AFAP1: variants seen among roughly 807,000 people sequenced by gnomAD.
AFAP1 encodes the protein actin filament associated protein 1.
AFAP1 carries 75 observed loss-of-function variants against 93.9 expected under a neutral mutation model. The observed-to-expected ratio is 0.80, with a 90% CI of 0.66 to 0.97. AFAP1 has a LOEUF of 0.97. AFAP1 is among the 50% of genes least tolerant of loss of function. The pLI is 0.00. For synonymous variants in AFAP1, 517 were observed against 430.7 expected (o/e 1.20, Z -2.48); for missense variants, 1,201 against 1,050.8 (o/e 1.14, Z -1.98).
At position 7,880,201 on chromosome 4, in the gene AFAP1, T is replaced by TA. The variant is rs151055223; in HGVS notation, c.-2-8122dup. Among the ~76,000 whole-genome samples, 896 of 152,056 alleles carry TA rather than the reference T, an allele frequency of 5.9e-3. 7 individuals carry two copies. Among genetic ancestry groups the TA allele is most frequent in the African/African-American group, 0.019 (785 of 41,466 alleles). On this transcript the variant is annotated intron_variant, in intron 1 of 17. Transcript: ENST00000420658. ...TGGTTTGTGGGAACCAAAACTACTT[T>TA]AAAGGCATTTTCTTTATTTACCTTC... is the stretch of plus-strand genomic sequence containing the variant.
At chr4:7,919,117 T>C (rs560990668) in intron 1 of AFAP1, among the ~76,000 whole-genome samples, 180 of 139,150 alleles carry the variant, frequency 1.3e-3, no homozygotes, top group Non-Finnish European at 1.2e-3. Flanking sequence ...CCCAGATCAC[T>C]AGAAAAACAG....
intron 4 of AFAP1, among the ~76,000 whole-genome samples, chr4:7,844,833 C>A (rs1577284816): frequency 6.6e-6 from 1 of 152,254 alleles, no homozygotes; most frequent in East Asian, 1.9e-4. Context: ...TCTCCAAATT[C>A]CCCTCAGCCC....
chr4:7,913,004 T>C (rs1421693179), intron 1 of AFAP1, among the ~76,000 whole-genome samples: 2 of 151,916 alleles, frequency 1.3e-5, no homozygotes, highest in Non-Finnish European at 2.9e-5. Flanking sequence ...GGTGGCACCA[T>C]GCCCAGTTAA....
chr4:7,822,149 A>G (rs1421250082), intron 6 of AFAP1, among the ~76,000 whole-genome samples: 6 of 152,092 alleles, frequency 3.9e-5, no homozygotes, highest in Non-Finnish European at 7.4e-5. Context: ...CTTTCTTTTC[A>G]CTAGGGAAGG....
intron 1 of AFAP1, among the ~76,000 whole-genome samples, chr4:7,918,967 G>A (rs1468871664): frequency 0.094 from 4,615 of 49,200 alleles, 63 homozygotes; most frequent in East Asian, 0.28. Context: ...CAGGGCTGTT[G>A]GAAGAGACAC....
rs11724590 is a variant in AFAP1 at position 7,812,295 on chromosome 4, G to C, written c.905-2532C>G. 6.6e-5 allele frequency among the ~76,000 whole-genome samples: 10 copies of C among 151,558 alleles called. No individual in the cohort carries two copies. In the South Asian group the frequency reaches 1.0e-3, roughly 16 times the overall value. On this transcript the variant is annotated intron_variant, in intron 8 of 17. Transcript: ENST00000420658. ...AGAGGTATCCCCCACAGATAATGTG[G>C]CCCCCCCCAGAAAATGCAGCTCATC...
intron 1 of AFAP1, among the ~76,000 whole-genome samples, chr4:7,905,109 C>T (rs1719327656): frequency 6.6e-6 from 1 of 152,168 alleles, no homozygotes; most frequent in Admixed American, 6.5e-5. Flanking sequence ...TCCTCCATAC[C>T]GTAATGTGTC....
chr4:7,905,449 C>A (rs911759026), intron 1 of AFAP1, among the ~76,000 whole-genome samples: 2 of 152,232 alleles, frequency 1.3e-5, no homozygotes, highest in Non-Finnish European at 2.9e-5. Flanking sequence ...CATACAACAA[C>A]AAATTAAATT....
chr4:7,780,646 T>C (rs1716666928), intron 13 of AFAP1, among the ~76,000 whole-genome samples: 1 of 151,594 alleles, frequency 6.6e-6, no homozygotes, highest in African/African-American at 2.4e-5. Context: ...ACTTCATCTT[T>C]TTTTTTTTTT....
intron 13 of AFAP1, 48 bp from the exon 14 acceptor site, chr4:7,778,924 A>C: frequency 2.2e-6 from 3 of 1,377,614 alleles, no homozygotes; most frequent in Non-Finnish European, 3.0e-6. Context: ...ACAAAGTCAA[A>C]CAAATCTTGG....
chr4:7,767,723 A>C (rs781249027), intron 17 of AFAP1, among the ~76,000 whole-genome samples: 2 of 152,038 alleles, frequency 1.3e-5, no homozygotes, highest in Non-Finnish European at 2.9e-5. Flanking sequence ...GGGGGGCGGC[A>C]CTCATTCCCA....
chr4:7,863,886 A>T (rs1218196296), intron 3 of AFAP1, among the ~76,000 whole-genome samples: 1 of 152,256 alleles, frequency 6.6e-6, no homozygotes, highest in African/African-American at 2.4e-5. Flanking sequence ...GGGAAATAGA[A>T]CCTAGCTGAA....
chr4:7,767,705 G>T (rs1172128819), intron 17 of AFAP1, among the ~76,000 whole-genome samples: 2 of 152,138 alleles, frequency 1.3e-5, no homozygotes, highest in African/African-American at 4.8e-5. Context: ...ACCCCAGAGA[G>T]CACAGCAGGG....
At chr4:7,924,305 C>T (rs59390779) in intron 1 of AFAP1, among the ~76,000 whole-genome samples, 15,561 of 152,194 alleles carry the variant, frequency 0.1, 952 homozygotes, top group East Asian at 0.25. Context: ...AAAGGTTACA[C>T]AAATAAACTA....
intron 1 of AFAP1, among the ~76,000 whole-genome samples, chr4:7,927,272 G>A (rs1418372672): frequency 6.6e-6 from 1 of 152,192 alleles, no homozygotes; most frequent in African/African-American, 2.4e-5. Context: ...GTTTGGGTGT[G>A]CCATCTATGA....
intron 1 of AFAP1, among the ~76,000 whole-genome samples, chr4:7,905,665 G>A (rs1719356432): frequency 6.6e-6 from 1 of 152,110 alleles, no homozygotes; most frequent in South Asian, 2.1e-4. Context: ...CATGAGCACT[G>A]ACTGCATGTC....
intron 12 of AFAP1, among the ~76,000 whole-genome samples, chr4:7,784,621 C>A (rs1004297674): frequency 6.6e-6 from 1 of 152,248 alleles, no homozygotes; most frequent in African/African-American, 2.4e-5. Flanking sequence ...GCCTCCCCCA[C>A]AGGAACCCCA....
At chr4:7,937,607 C>G (rs1268152252) in intron 1 of AFAP1, among the ~76,000 whole-genome samples, 1 of 152,156 alleles carries the variant, frequency 6.6e-6, no homozygotes, top group African/African-American at 2.4e-5. Context: ...CTGCCTCAGC[C>G]TCATGAGTAG....
chr4:7,766,370 G>C (rs1397868485), intron 17 of AFAP1, among the ~76,000 whole-genome samples: 1 of 152,188 alleles, frequency 6.6e-6, no homozygotes, highest in Non-Finnish European at 1.5e-5. Context: ...CAGGCAGTGG[G>C]GTTTTCAGAG....
Sources: gnomAD v4.1 joint callset for allele counts (sites outside exome capture counted in the v4.1 genomes callset) on GRCh38, gnomAD v4.1.1 for gene constraint, MANE v1.5 for transcripts, NCBI Gene and HGNC (gene_info 2026-07-23, HGNC 2026-07-21) for gene names.